HAPSTR1: variants seen among roughly 807,000 people sequenced by gnomAD.
HAPSTR1 encodes the protein HUWE1 associated protein modifying stress responses.
the HAPSTR1 span, among the ~76,000 whole-genome samples, chr16:9,099,742 T>A: frequency 3.3e-5 from 5 of 152,146 alleles, no homozygotes; most frequent in South Asian, 2.1e-4. Flanking sequence ...CTGAGAGCCT[T>A]CAAGAGGCCG....
the HAPSTR1 span, among the ~76,000 whole-genome samples, chr16:9,116,382 A>G: frequency 3.3e-5 from 5 of 152,370 alleles, no homozygotes; most frequent in East Asian, 7.7e-4. Flanking sequence ...CATAGATGGG[A>G]GAATTTAATG....
the HAPSTR1 span, chr16:9,112,426 G>A: frequency 6.6e-6 from 1 of 152,272 alleles, no homozygotes; most frequent in African/African-American, 2.4e-5. Context: ...CCCTGCACCT[G>A]CGCTGGTGGA....
the HAPSTR1 span, among the ~76,000 whole-genome samples, chr16:9,113,566 G>A: frequency 3.3e-5 from 5 of 152,190 alleles, no homozygotes; most frequent in African/African-American, 1.2e-4. Flanking sequence ...GGGCATTAGG[G>A]TGGGGTTTGT....
At chr16:9,098,497 T>G in the HAPSTR1 span, among the ~76,000 whole-genome samples, 1 of 152,184 alleles carries the variant, frequency 6.6e-6, no homozygotes, top group African/African-American at 2.4e-5. Flanking sequence ...TGACTTAGAT[T>G]GTTACATTCC....
chr16:9,093,694 G>A, the HAPSTR1 span, among the ~76,000 whole-genome samples: 1 of 152,124 alleles, frequency 6.6e-6, no homozygotes, highest in Non-Finnish European at 1.5e-5. Flanking sequence ...TTTGTTTTAT[G>A]GTGGTTCCTT....
the HAPSTR1 span, chr16:9,116,917 C>G: frequency 6.2e-7 from 1 of 1,612,684 alleles, no homozygotes; most frequent in Admixed American, 1.7e-5. Context: ...ATCTAAACTG[C>G]AAACATTTTC....
chr16:9,095,063 A>G, the HAPSTR1 span, among the ~76,000 whole-genome samples: 1 of 152,240 alleles, frequency 6.6e-6, no homozygotes, highest in African/African-American at 2.4e-5. Flanking sequence ...TATTTTTAGA[A>G]AACATCACAT....
the HAPSTR1 span, among the ~76,000 whole-genome samples, chr16:9,096,998 A>G: frequency 6.6e-6 from 1 of 151,662 alleles, no homozygotes; most frequent in Non-Finnish European, 1.5e-5. Flanking sequence ...GCTGGAGTGC[A>G]ATGGCGTGAT....
chr16:9,103,177 C>G, the HAPSTR1 span: 3 of 1,614,106 alleles, frequency 1.9e-6, no homozygotes, highest in Non-Finnish European at 2.5e-6. Flanking sequence ...CTGTAGTGTC[C>G]CCTAACCGAG....
chr16:9,099,407 G>A, the HAPSTR1 span, among the ~76,000 whole-genome samples: 1 of 152,100 alleles, frequency 6.6e-6, no homozygotes, highest in South Asian at 2.1e-4. Flanking sequence ...TGGCCACGCT[G>A]ATCTCGAACT....
At chr16:9,103,352 G>C in the HAPSTR1 span, 10 of 1,345,990 alleles carry the variant, frequency 7.4e-6, no homozygotes, top group Non-Finnish European at 8.0e-6. Flanking sequence ...CAGATATACT[G>C]TTTTTTGTCT....
chr16:9,109,499 A>G, the HAPSTR1 span: 1 of 152,210 alleles, frequency 6.6e-6, no homozygotes, highest in African/African-American at 2.4e-5. Flanking sequence ...TAGTTCCCAA[A>G]CTGATTTTGA....
chr16:9,094,581 T>TGTCCTA, the HAPSTR1 span, among the ~76,000 whole-genome samples: 1 of 152,162 alleles, frequency 6.6e-6, no homozygotes, highest in Non-Finnish European at 1.5e-5. Flanking sequence ...TCCTCCATCA[T>TGTCCTA]GTCCTAAATA....
chr16:9,114,026 T>G, the HAPSTR1 span, among the ~76,000 whole-genome samples: 1 of 152,182 alleles, frequency 6.6e-6, no homozygotes, highest in Non-Finnish European at 1.5e-5. Context: ...TGTGCTTAGG[T>G]CATTAGATGG....
At chr16:9,118,649 C>T in the HAPSTR1 span, 2 of 152,368 alleles carry the variant, frequency 1.3e-5, no homozygotes, top group Non-Finnish European at 2.9e-5. Context: ...TGTCATTTTA[C>T]CTGAAACAGA....
chr16:9,094,811 C>T, the HAPSTR1 span, among the ~76,000 whole-genome samples: 2 of 152,250 alleles, frequency 1.3e-5, no homozygotes, highest in African/African-American at 4.8e-5. Context: ...TTTTTATGTG[C>T]CAGGTTCTTA....
chr16:9,106,617 G>T, the HAPSTR1 span: 1 of 151,974 alleles, frequency 6.6e-6, no homozygotes, highest in Non-Finnish European at 1.5e-5. Flanking sequence ...ACTTCAATTA[G>T]TGGTTAGCAA....
chr16:9,105,632 A>C, the HAPSTR1 span: 1 of 151,884 alleles, frequency 6.6e-6, no homozygotes, highest in African/African-American at 2.4e-5. Context: ...GTGCTCTTTT[A>C]AAATGTATTT....
At chr16:9,102,671 G>A in the HAPSTR1 span, among the ~76,000 whole-genome samples, 1 of 152,110 alleles carries the variant, frequency 6.6e-6, no homozygotes, top group Non-Finnish European at 1.5e-5. Context: ...GACATCTGTT[G>A]AATGATGTGA....
Sources: allele counts gnomAD v4.1 joint callset (sites outside exome capture counted in the v4.1 genomes callset), GRCh38; gene constraint gnomAD v4.1.1; transcripts MANE v1.5; gene names NCBI Gene and HGNC (gene_info 2026-07-23, HGNC 2026-07-21).